Variants in MYT1L observed in about 807,000 individuals in gnomAD.
MYT1L encodes the protein myelin transcription factor 1-like protein.
A neutral mutation model predicts 126.7 loss-of-function variants in MYT1L; 12 were observed. The observed-to-expected ratio is 0.09, with a 90% CI of 0.06 to 0.15. The LOEUF (loss-of-function observed/expected upper bound fraction) is 0.15. MYT1L is among the 10% of genes least tolerant of loss of function. The pLI, the probability that MYT1L is intolerant of heterozygous loss-of-function variation, is 1.00. For synonymous variants in MYT1L, 541 were observed against 604.2 expected, an observed-to-expected ratio of 0.90 and a Z score of 1.53; for missense variants, 979 against 1,585.2, an observed-to-expected ratio of 0.62 and a Z score of 6.49.
intron 4 of MYT1L, among the ~76,000 whole-genome samples, chr2:2,012,451 G>A (rs530244178): frequency 6.6e-6 from 1 of 152,306 alleles, no homozygotes; most frequent in South Asian, 2.1e-4. Flanking sequence ...GTGGCCACTT[G>A]GGGCCAGAGT....
In MYT1L at chr2:1,934,417, T is replaced by C. The variant is rs368453380; in HGVS notation, c.505+8565A>G. Reference sequence around the variant, plus strand: ...GTGGGACAGCGCTTTCATGTTCTTGTGTGCTACAGTGATTTCAATGCTGTC... The same window carrying C: ...GTGGGACAGCGCTTTCATGTTCTTGCGTGCTACAGTGATTTCAATGCTGTC... On this transcript the variant is annotated intron_variant, in intron 9 of 24. Coordinates refer to ENST00000647738, the MANE Select transcript of MYT1L (RefSeq NM_001303052.2). Among the ~76,000 whole-genome samples the C allele has an allele frequency of 9.6e-4, 146 of 152,084 alleles. 2 individuals carry two copies. In the South Asian group the frequency reaches 0.022, roughly 23 times the overall value.
chr2:1,856,545 C>T (rs1363075369), intron 18 of MYT1L, among the ~76,000 whole-genome samples: 9 of 152,106 alleles, frequency 5.9e-5, no homozygotes, highest in Admixed American at 5.9e-4. Flanking sequence ...GTGCGGATTC[C>T]CTCCCATTTA....
intron 8 of MYT1L, among the ~76,000 whole-genome samples, chr2:1,974,070 A>G (rs961060660): frequency 5.3e-5 from 8 of 152,198 alleles, no homozygotes; most frequent in African/African-American, 1.9e-4. Context: ...TCTGTCTTCC[A>G]TGTTTTAAAT....
At chr2:2,245,111 A>G (rs2094508647) in intron 2 of MYT1L, among the ~76,000 whole-genome samples, 1 of 152,236 alleles carries the variant, frequency 6.6e-6, no homozygotes, top group Non-Finnish European at 1.5e-5. Flanking sequence ...CAGTGTACAG[A>G]TTATGTAAAC....
chr2:2,226,672 C>G (rs1163635573), intron 2 of MYT1L, among the ~76,000 whole-genome samples: 1 of 152,174 alleles, frequency 6.6e-6, no homozygotes, highest in Non-Finnish European at 1.5e-5. Context: ...CCTCTATCAA[C>G]TCATCCAGGC....
chr2:2,160,450 T>C (rs933079717), intron 3 of MYT1L, among the ~76,000 whole-genome samples: 1 of 152,196 alleles, frequency 6.6e-6, no homozygotes, highest in Non-Finnish European at 1.5e-5. Flanking sequence ...TGATAGAGTA[T>C]CATCTGTAAC....
chr2:1,793,315 C>T lies in MYT1L; in HGVS notation c.3277-851G>A, dbSNP rs565618142. On this transcript the variant is annotated intron_variant, in intron 23 of 24. Coordinates refer to ENST00000647738, the MANE Select transcript of MYT1L (RefSeq NM_001303052.2). The surrounding 1 kb of genome is among the most constrained non-coding windows in gnomAD (Gnocchi z 4.6). ...ATAACCGCACAGGACTAGCTTCACA[C>T]GCAGCAGGCGGGGAGCTGCCCTGCC... Among the ~76,000 whole-genome samples, 8 of 152,324 alleles carry T rather than the reference C, an allele frequency of 5.3e-5. No individual in the cohort carries two copies. Among genetic ancestry groups the T allele is most frequent in the East Asian group, 3.9e-4 (2 of 5,168 alleles).
chr2:2,101,451 TACCACCC>T (rs1318169671), intron 3 of MYT1L, among the ~76,000 whole-genome samples: 2 of 152,092 alleles, frequency 1.3e-5, no homozygotes, highest in East Asian at 3.9e-4. Flanking sequence ...CTCATCAATC[TACCACCC>T]ACCCACCCAC....
chr2:2,088,973 T>C (rs2076632265), intron 3 of MYT1L, among the ~76,000 whole-genome samples: 1 of 152,192 alleles, frequency 6.6e-6, no homozygotes, highest in Admixed American at 6.5e-5. Flanking sequence ...TTAAAAGAAA[T>C]AGTTGTATCA....
chr2:2,084,549 A>G (rs1372229635), intron 3 of MYT1L, among the ~76,000 whole-genome samples: 2 of 152,048 alleles, frequency 1.3e-5, no homozygotes, highest in Admixed American at 1.3e-4. Flanking sequence ...AAGGGGCAGC[A>G]CCTCCATCCA....
Position 1,792,732 on chromosome 2 carries a change from T to G in MYT1L, c.3277-268A>C, listed in dbSNP as rs10168959. Among the ~76,000 whole-genome samples, 17,937 of 151,524 alleles carry G rather than the reference T, an allele frequency of 0.12. 1,415 individuals carry two copies. The highest frequency in any genetic ancestry group is 0.23 in the African/African-American group (9,568 of 41,352). On this transcript the variant is annotated intron_variant, in intron 23 of 24. Coordinates refer to ENST00000647738, the MANE Select transcript of MYT1L (RefSeq NM_001303052.2). The stretch of plus-strand genomic sequence containing the variant: ...TAAAAATACAAAAATTAGCTGGGCG[T>G]GGTGGCGTGCGCCTGTAATCCCAGC...
At position 1,923,194 on chromosome 2, in the gene MYT1L, T is replaced by C. The variant is rs527424266; in HGVS notation, c.575A>G (p.Asp192Gly). Residue 192 changes from aspartate (D) to glycine (G), a missense_variant, in exon 10 of 25, where the codon GAC (aspartate) becomes GGC (glycine). Physicochemically the swap from Asp to Gly is moderately conservative, Grantham distance 94. Transcript: ENST00000647738. The part of the protein sequence containing the change: ...QDTEKDDNNN[D>G]EYDNYDELVA... ...CAGTTCATCGTAATTGTCATATTCG[T>C]CATTATTGTTATCATCCTTTTCTGT... 8.1e-6 allele frequency: 13 copies of C among 1,613,746 alleles called. No individual in the cohort carries two copies. The South Asian group carries it at 1.4e-4, about 18-fold the overall frequency.
rs771253247 is a variant in MYT1L, at chr2:2,059,400, G to A, written c.-303-5277C>T. On this transcript the variant is annotated intron_variant, in intron 3 of 24. Transcript: ENST00000647738. This position sits in a 1 kb window ranked among gnomAD's most constrained non-coding sequence, Gnocchi z 4.7. The stretch of plus-strand genomic sequence containing the variant: ...TCTCGTGGCACCATAGTAAGCACCC[G>A]GCGGCGGTCTCACAGCACCGCAGGA... Among the ~76,000 whole-genome samples, 3 of 152,150 alleles carry A rather than the reference G, an allele frequency of 2.0e-5. No individual in the cohort carries two copies. The highest frequency in any genetic ancestry group is 1.5e-5 in the Non-Finnish European group (1 of 68,030).
chr2:1,888,589 A>G (rs980604608), intron 16 of MYT1L, among the ~76,000 whole-genome samples: 1 of 152,236 alleles, frequency 6.6e-6, no homozygotes, highest in African/African-American at 2.4e-5. Flanking sequence ...ATAAGACTTT[A>G]AAGTCGGTAC....
intron 1 of MYT1L, among the ~76,000 whole-genome samples, chr2:2,295,691 G>C (rs866036245): frequency 0.026 from 2,184 of 85,454 alleles, 86 homozygotes; most frequent in Non-Finnish European, 0.045. Flanking sequence ...CAGACAGAGA[G>C]AGAGAGAGAG....
chr2:1,962,427 A>C (rs1159661331), intron 8 of MYT1L, among the ~76,000 whole-genome samples: 1 of 152,302 alleles, frequency 6.6e-6, no homozygotes, highest in East Asian at 1.9e-4. Context: ...AGGGCGTCCT[A>C]ATCTTTTTGC....
intron 2 of MYT1L, among the ~76,000 whole-genome samples, chr2:2,274,827 C>T (rs2149362210): frequency 6.6e-6 from 1 of 152,282 alleles, no homozygotes; most frequent in Non-Finnish European, 1.5e-5. Flanking sequence ...ATGAAGGCCT[C>T]CCAGAGCATG....
intron 3 of MYT1L, among the ~76,000 whole-genome samples, chr2:2,171,581 C>T (rs1029357675): frequency 6.6e-6 from 1 of 152,210 alleles, no homozygotes; most frequent in African/African-American, 2.4e-5. Flanking sequence ...TGCATGAACA[C>T]TCAATGTGAA....
chr2:2,144,491 G>T (rs1296021372), intron 3 of MYT1L, among the ~76,000 whole-genome samples: 1 of 152,218 alleles, frequency 6.6e-6, no homozygotes, highest in Non-Finnish European at 1.5e-5. Context: ...CATAGTCTGT[G>T]CAGAATCCCT....
Sources: allele counts gnomAD v4.1 joint callset (sites outside exome capture counted in the v4.1 genomes callset), GRCh38; gene constraint gnomAD v4.1.1; non-coding constraint Gnocchi (gnomAD v3.1); transcripts MANE v1.5; gene names NCBI Gene and HGNC (gene_info 2026-07-23, HGNC 2026-07-21).